Variants in GEMIN5 observed in about 807,000 individuals in gnomAD.
GEMIN5 encodes the protein gem nuclear organelle associated protein 5.
GEMIN5 carries 124 observed loss-of-function variants against 176.9 expected under a neutral mutation model. The ratio of observed to expected loss-of-function variants is 0.70; its 90% CI spans 0.61 to 0.81. The LOEUF (loss-of-function observed/expected upper bound fraction) is 0.81. GEMIN5 is among the 40% of genes least tolerant of loss of function. The pLI is 0.00. For missense variants in GEMIN5, 1,843 were observed against 1,814.6 expected (o/e 1.02, Z -0.28); for synonymous variants, 673 against 665.2 (o/e 1.01, Z -0.18).
intron 21 of GEMIN5, among the ~76,000 whole-genome samples, chr5:154,899,814 G>A (rs956092340): frequency 4.6e-5 from 7 of 152,060 alleles, no homozygotes; most frequent in African/African-American, 1.7e-4. Flanking sequence ...TGACAAATGG[G>A]AAGAACATTT....
In GEMIN5 at chr5:154,932,342, T is replaced by C. The variant is rs899218096; in HGVS notation, c.510-92A>G. On this transcript the variant is annotated intron_variant, in intron 3 of 27. Transcript: ENST00000285873. ...TTGGCTTGGAGTTACCATTGGCGCA[T>C]TCCTTAAAGTTAGGTGCATTTGGGG... 10 of 844,276 alleles carry C rather than the reference T, an allele frequency of 1.2e-5. No individual in the cohort carries two copies. In the African/African-American group the frequency reaches 1.2e-4, roughly 10 times the overall value. 52.3% of individuals were successfully genotyped at this position (844,276 alleles called of 1,614,324 possible). A position where few individuals can be genotyped will look rare whatever the true frequency, so the allele number is the denominator to read the frequency against.
In GEMIN5 at chr5:154,935,911, G is replaced by C; in HGVS notation, c.439C>G (p.Leu147Val). Residue 147 changes from leucine (L) to valine (V), a missense_variant, in exon 3 of 28, where the codon CTC (leucine) becomes GTC (valine). Transcript: ENST00000285873. ...YWFNRNDSQH[L>V]FIEPRTIFCL... ...AAAATTGTCCTGGGTTCTATAAAGA[G>C]GTGCTGGCTGTCATTTCTGTTAAAC... 6.2e-7 allele frequency: 1 copy of C among 1,613,566 alleles called. No homozygotes were observed. The highest frequency in any genetic ancestry group is 8.5e-7 in the Non-Finnish European group (1 of 1,179,508).
At chr5:154,901,280 A>G in intron 21 of GEMIN5, 59 bp downstream of exon 21, 2 of 1,454,958 alleles carry the variant, frequency 1.4e-6, no homozygotes, top group South Asian at 2.4e-5. Context: ...ACAATAGAGA[A>G]GTTTAGGTTA....
At chr5:154,914,454 C>T (rs1232382266) in intron 13 of GEMIN5, among the ~76,000 whole-genome samples, 1 of 150,638 alleles carries the variant, frequency 6.6e-6, no homozygotes, top group South Asian at 2.1e-4. Context: ...CTATTAAGAA[C>T]ATCATTGGAT....
At chr5:154,912,236 G>A (rs1763717624) in intron 14 of GEMIN5, among the ~76,000 whole-genome samples, 1 of 152,178 alleles carries the variant, frequency 6.6e-6, no homozygotes, top group East Asian at 1.9e-4. Flanking sequence ...CCCACATCTA[G>A]CACAGAAATT....
In GEMIN5 at chr5:154,932,178, A is replaced by G. The variant is rs762001684; in HGVS notation, c.582T>C (p.His194=). ...KGEVIHRLRG[H]DDEIHSIAWC... ...AGGCTATGGAGTGGATTTCATCATC[A>G]TGGCCTCGAAGCCTATGAATAACTT... Residue 194 remains histidine, a synonymous_variant, in exon 4 of 28, where the codon CAT becomes CAC. Coordinates refer to ENST00000285873, the MANE Select transcript of GEMIN5 (RefSeq NM_015465.5). The G allele has an allele frequency of 6.2e-7, 1 of 1,611,304 alleles. No individual in the cohort carries two copies. Among genetic ancestry groups the G allele is most frequent in the Non-Finnish European group, 8.5e-7 (1 of 1,177,410 alleles).
chr5:154,920,280 G>A (rs954770199), intron 10 of GEMIN5, among the ~76,000 whole-genome samples, 177 bp from the exon 11 acceptor site: 6 of 152,166 alleles, frequency 3.9e-5, no homozygotes, highest in Non-Finnish European at 8.8e-5. Flanking sequence ...GTTGTTGGGA[G>A]CAGAAGTAAA....
Position 154,911,735 on chromosome 5 carries a change from G to A in GEMIN5, c.2159C>T (p.Pro720Leu). The change falls in exon 15 of 28, where the codon CCT (proline) becomes CTT (leucine). Residue 720 changes from proline to leucine, a missense_variant. Transcript: ENST00000285873. ...TCTAGGTTCTGACTGACCTTGAGGA[G>A]GCCGGGAATGATCTTGCATGGAAGT... ...WLTSMQDHSR[P>L]PQGKKSIELE... 6.2e-7 allele frequency: 1 copy of A among 1,613,366 alleles called. No individual in the cohort carries two copies. Among genetic ancestry groups the A allele is most frequent in the Non-Finnish European group, 8.5e-7 (1 of 1,179,404 alleles).
chr5:154,928,700 G>C, intron 5 of GEMIN5, 41 bp from the exon 6 acceptor site: 1 of 1,597,954 alleles, frequency 6.3e-7, no homozygotes, highest in Non-Finnish European at 8.6e-7. Context: ...TCAAGACAGT[G>C]AAACTACATG....
At position 154,907,812 on chromosome 5, in the gene GEMIN5, T is replaced by C; in HGVS notation, c.2174A>G (p.Lys725Arg). ...QDHSRPPQGK[K>R]SIELEKKRLS... ...CCGTTTTTTCTCCAATTCAATACTT[T>C]TTTTGCCTACAAGAATCACAATAAA... The change falls in exon 16 of 28, where the codon AAA becomes AGA. Residue 725 changes from lysine to arginine, a missense_variant. Physicochemically the swap from Lys to Arg is conservative, Grantham distance 26. Coordinates refer to ENST00000285873, the MANE Select transcript of GEMIN5 (RefSeq NM_015465.5). 1.9e-6 allele frequency: 3 copies of C among 1,612,294 alleles called. No individual in the cohort carries two copies. The highest frequency in any genetic ancestry group is 2.5e-6 in the Non-Finnish European group (3 of 1,179,002).
rs189440893 is a variant in GEMIN5, at chr5:154,902,692, A to G, written c.2729-16T>C. 3.5e-4 allele frequency: 566 copies of G among 1,612,516 alleles called. 4 individuals are homozygous for G. In the African/African-American group the frequency reaches 6.9e-3, roughly 20 times the overall value. ...TGACCTTTTCCTGTTTGAAAGAGAG[A>G]TAATGTTTGGAAGGTGTTTCAGAAA... On this transcript the variant is annotated splice_polypyrimidine_tract_variant and intron_variant, in intron 19 of 27. Coordinates refer to ENST00000285873, the MANE Select transcript of GEMIN5 (RefSeq NM_015465.5).
intron 18 of GEMIN5, among the ~76,000 whole-genome samples, chr5:154,904,142 A>G (rs919581433): frequency 2.0e-4 from 30 of 152,212 alleles, no homozygotes; most frequent in Non-Finnish European, 7.3e-5. Flanking sequence ...AATAAGAAAA[A>G]AAGATTTTTT....
Position 154,936,002 on chromosome 5 carries a change from A to G in GEMIN5, c.348T>C (p.His116=), listed in dbSNP as rs1764260716. ...TTAAGTCCTTTACTCGAGGAGACCA[A>G]TGTAATGTTGATATCGTATGCTTTA... ...ALHQHTISTL[H]WSPRVKDLIV... Residue 116 remains histidine, a synonymous_variant, in exon 3 of 28, where the codon CAT becomes CAC. Transcript: ENST00000285873. 2 of 1,605,918 alleles carry G rather than the reference A, an allele frequency of 1.2e-6. No individual in the cohort carries two copies. Among genetic ancestry groups the G allele is most frequent in the Non-Finnish European group, 1.7e-6 (2 of 1,176,406 alleles).
In GEMIN5 at chr5:154,898,332, T is replaced by C; in HGVS notation, c.3345+108A>G. The C allele has an allele frequency of 4.2e-6, 4 of 954,106 alleles. No individual in the cohort carries two copies. The East Asian group carries it at 9.6e-5, about 23-fold the overall frequency. 59.1% of individuals were successfully genotyped at this position (954,106 alleles called of 1,614,324 possible). A position where few individuals can be genotyped will look rare whatever the true frequency, so the allele number is the denominator to read the frequency against. ...TAGCATGGCCAGGGCTTGCTGGGCC[T>C]GCCAAATTGGCACAGCTTGTGCAAC... On this transcript the variant is annotated intron_variant, in intron 23 of 27. Transcript: ENST00000285873.
chr5:154,887,546 T>C lies in GEMIN5; in HGVS notation c.*664A>G, dbSNP rs1048752245. On this transcript the variant is annotated 3_prime_UTR_variant, in exon 28 of 28. Coordinates refer to ENST00000285873, the MANE Select transcript of GEMIN5 (RefSeq NM_015465.5). ...GCCATCAATCCATTTGTTATAAAAC[T>C]GAAGGGAAAACACACATTTGAATCA... 6.6e-6 allele frequency: 1 copy of C among 152,202 alleles called. No homozygotes were observed. Among genetic ancestry groups the C allele is most frequent in the African/African-American group, 2.4e-5 (1 of 41,440 alleles). The allele number at this position is 152,202 out of a possible 1,614,324, so 9.4% of individuals were successfully genotyped here. A position where few individuals can be genotyped will look rare whatever the true frequency, so the allele number is the denominator to read the frequency against.
chr5:154,903,689 G>C (rs1373034053), intron 18 of GEMIN5, among the ~76,000 whole-genome samples: 17 of 152,034 alleles, frequency 1.1e-4, no homozygotes, highest in Non-Finnish European at 2.9e-5. Context: ...TCAAAAGAAA[G>C]AAACAAATGG....
intron 13 of GEMIN5, 64 bp from the exon 14 acceptor site, chr5:154,913,102 A>C: frequency 7.5e-7 from 1 of 1,335,006 alleles, no homozygotes; most frequent in Non-Finnish European, 1.0e-6. Flanking sequence ...AACAAAGTAC[A>C]TCCAGGAAGG....
At chr5:154,913,251 C>G (rs555955780) in intron 13 of GEMIN5, among the ~76,000 whole-genome samples, 1 of 151,986 alleles carries the variant, frequency 6.6e-6, no homozygotes. Flanking sequence ...CTGCAACCTC[C>G]GCCTCCTGGG....
At chr5:154,910,143 T>C (rs767248177) in intron 15 of GEMIN5, among the ~76,000 whole-genome samples, 9 of 152,042 alleles carry the variant, frequency 5.9e-5, no homozygotes, top group Admixed American at 2.0e-4. Flanking sequence ...TGTAAGGATA[T>C]ACCACAATTA....
Sources: gnomAD v4.1 joint callset for allele counts (sites outside exome capture counted in the v4.1 genomes callset) on GRCh38, gnomAD v4.1.1 for gene constraint, MANE v1.5 for transcripts, NCBI Gene and HGNC (gene_info 2026-07-23, HGNC 2026-07-21) for gene names.